PI4KA: variants seen among roughly 807,000 people sequenced by gnomAD.
The protein encoded by PI4KA is PI4-kinase alpha.
A neutral mutation model predicts 271.4 loss-of-function variants in PI4KA; 122 were observed. That is an observed-to-expected ratio of 0.45 (90% CI 0.39 to 0.52). The LOEUF (loss-of-function observed/expected upper bound fraction) is 0.52. Among genes scored for constraint, PI4KA ranks in the 20% least tolerant of loss-of-function variants. The pLI is 0.00. For synonymous variants in PI4KA, 1,041 were observed against 1,078.8 expected (o/e 0.96, Z 0.69); for missense variants, 1,969 against 2,769.1 (o/e 0.71, Z 6.48).
chr22:20,769,857 T>C (rs547481730), intron 19 of PI4KA, among the ~76,000 whole-genome samples: 2 of 152,288 alleles, frequency 1.3e-5, no homozygotes, highest in Admixed American at 6.5e-5. Context: ...TATGTGAGGC[T>C]TGTGATCTTC....
Position 20,753,160 on chromosome 22 carries a change from C to T in PI4KA, c.2812G>A (p.Ala938Thr), listed in dbSNP as rs967485535. The change falls in exon 24 of 55, where the codon GCA (alanine) becomes ACA (threonine). Residue 938 changes from alanine (A) to threonine (T), a missense_variant. By Grantham distance (58) the Ala-to-Thr change is moderately conservative (BLOSUM62 0). Transcript: ENST00000255882. ...DKSGMMQCVIAVADKVFDAFL... is the reference protein window; with the variant it reads ...DKSGMMQCVITVADKVFDAFL... ...GCATCGAATACTTTGTCCGCGACTGCAATCACACACTGCATCATCCCTGAA... is the reference window on the plus strand; with the variant it reads ...GCATCGAATACTTTGTCCGCGACTGTAATCACACACTGCATCATCCCTGAA... The T allele has an allele frequency of 8.1e-6, 13 of 1,613,086 alleles. No individual in the cohort carries two copies. Among genetic ancestry groups the T allele is most frequent in the Non-Finnish European group, 9.3e-6 (11 of 1,180,012 alleles).
intron 1 of PI4KA, among the ~76,000 whole-genome samples, chr22:20,853,502 T>G (rs184660950): frequency 1.2e-4 from 19 of 152,330 alleles, no homozygotes; most frequent in Non-Finnish European, 7.3e-5. Flanking sequence ...ATCCCAATGT[T>G]GAAAAGCCTC....
rs542247538 is a variant in PI4KA at position 20,858,577 on chromosome 22, A to C, written c.149T>G (p.Leu50Trp). The C allele has an allele frequency of 4.2e-5, 59 of 1,399,804 alleles. 1 individual carries two copies. The African/African-American group carries it at 7.7e-4, about 18-fold the overall frequency. The allele number at this position is 1,399,804 out of a possible 1,614,324, so 86.7% of individuals were successfully genotyped here. A position where few individuals can be genotyped will look rare whatever the true frequency, so the allele number is the denominator to read the frequency against. The change falls in exon 1 of 55, where the codon TTG becomes TGG. Residue 50 changes from leucine (L) to tryptophan (W), a missense_variant. Around this residue, in one of 13 missense-constraint regions of PI4KA, gnomAD observed 540 missense variants for 555.5 expected, o/e 0.97. Transcript: ENST00000255882. ...RSLAVQRPASLEKVQKLLCMC... is the reference protein window; with the variant it reads ...RSLAVQRPASWEKVQKLLCMC... ...CCAGCCCGCCGACGTTACCTTCTCC[A>C]AGGATGCTGGTCTCTGCACCGCCAG...
chr22:20,709,888 G>T lies in PI4KA; in HGVS notation c.6173+20C>A, dbSNP rs73877755. On this transcript the variant is annotated intron_variant, in intron 53 of 54. Coordinates refer to ENST00000255882, the MANE Select transcript of PI4KA (RefSeq NM_058004.4). ...GACAACTGTCCCCCAGATGGCCTGC[G>T]TGTCCACCAAGGAACCTACTTCAAG... The T allele has an allele frequency of 3.2e-4, 427 of 1,355,534 alleles. 5 individuals carry two copies. The highest frequency in any genetic ancestry group is 2.5e-3 in the South Asian group (214 of 85,934). The allele number at this position is 1,355,534 out of a possible 1,614,324, so 84.0% of individuals were successfully genotyped here. A position where few individuals can be genotyped will look rare whatever the true frequency, so the allele number is the denominator to read the frequency against.
chr22:20,715,604 A>G (rs1262128570), intron 45 of PI4KA, among the ~76,000 whole-genome samples: 1 of 149,794 alleles, frequency 6.7e-6, no homozygotes, highest in Non-Finnish European at 1.5e-5. Flanking sequence ...CCTCCCGAGT[A>G]GCTGGAATTA....
In PI4KA at chr22:20,744,667, G is replaced by T. The variant is rs1929857980; in HGVS notation, c.3417C>A (p.Phe1139Leu). Residue 1139 changes from phenylalanine to leucine, a missense_variant, in exon 30 of 55, where the codon TTC becomes TTA. Transcript: ENST00000255882. ...PACVKKDYSN[F>L]MASLNLRNRY... ...GGTTGCGCAGATTCAGGGATGCCATGAAGTTGGAGTAGTCTTTCTTCACAC... is the reference window on the plus strand; with the variant it reads ...GGTTGCGCAGATTCAGGGATGCCATTAAGTTGGAGTAGTCTTTCTTCACAC... 6.2e-7 allele frequency: 1 copy of T among 1,614,234 alleles called. No homozygotes were observed. The highest frequency in any genetic ancestry group is 8.5e-7 in the Non-Finnish European group (1 of 1,180,024).
In PI4KA at chr22:20,729,317, C is replaced by A; in HGVS notation, c.4678G>T (p.Ala1560Ser). The change falls in exon 39 of 55, where the codon GCC becomes TCC. Residue 1560 changes from alanine to serine, a missense_variant. Around this residue, in one of 13 missense-constraint regions of PI4KA, gnomAD observed 388 missense variants for 521.5 expected, o/e 0.74. Coordinates refer to ENST00000255882, the MANE Select transcript of PI4KA (RefSeq NM_058004.4). Reference sequence around the variant, plus strand: ...CTGTGGTGCCCGGGGGCCCACCTGGCAGGCAGCTGCACGGCTAGGTAGGGA... The same window carrying A: ...CTGTGGTGCCCGGGGGCCCACCTGGAAGGCAGCTGCACGGCTAGGTAGGGA... ...ISPYLAVQLP[A>S]RFKNTEAIGN... 6.2e-7 allele frequency: 1 copy of A among 1,612,210 alleles called. No individual in the cohort carries two copies. Among genetic ancestry groups the A allele is most frequent in the Non-Finnish European group, 8.5e-7 (1 of 1,179,030 alleles).
At chr22:20,812,058 A>G (rs1447138368) in intron 8 of PI4KA, among the ~76,000 whole-genome samples, 1 of 152,076 alleles carries the variant, frequency 6.6e-6, no homozygotes, top group Non-Finnish European at 1.5e-5. Context: ...AAGAAAGTTA[A>G]AAGTTAAAAT....
At chr22:20,713,419 G>C (rs759979282) in intron 47 of PI4KA, 29 bp from the exon 48 acceptor site, 70 of 1,529,118 alleles carry the variant, frequency 4.6e-5, no homozygotes, top group Non-Finnish European at 5.6e-5. Context: ...GCCGCTGTTA[G>C]CCTGTAGGCA....
In PI4KA at chr22:20,819,788, A is replaced by G; in HGVS notation, c.642T>C (p.Pro214=). ...GCTCTTCCAGGACACGGAGGGAATG[A>G]GGAGGGATTTTGGGAAAGAGCTTTG... is the stretch of plus-strand genomic sequence containing the variant. ...LLSKLFPKIP[P]HSLRVLEELE... Residue 214 remains proline, a synonymous_variant, in exon 6 of 55, where the codon CCT becomes CCC. Transcript: ENST00000255882. 1 of 1,614,180 alleles carries G rather than the reference A, an allele frequency of 6.2e-7. No homozygotes were observed. The highest frequency in any genetic ancestry group is 8.5e-7 in the Non-Finnish European group (1 of 1,180,012).
At chr22:20,817,691 G>T (rs1367977590) in intron 7 of PI4KA, among the ~76,000 whole-genome samples, 1 of 109,002 alleles carries the variant, frequency 9.2e-6, no homozygotes. Context: ...CCATGATCAT[G>T]CCGCTGCACT....
Position 20,765,106 on chromosome 22 carries a change from G to C in PI4KA, c.2568C>G (p.Val856=). 6.2e-7 allele frequency: 1 copy of C among 1,612,614 alleles called. No individual in the cohort carries two copies. Among genetic ancestry groups the C allele is most frequent in the South Asian group, 1.1e-5 (1 of 90,830 alleles). The change falls in exon 21 of 55, where the codon GTC becomes GTG. Residue 856 remains valine (V), a synonymous_variant. Coordinates refer to ENST00000255882, the MANE Select transcript of PI4KA (RefSeq NM_058004.4). ...ATGAGATGTGAATCCTTACGGGGGT[G>C]ACCGTGTCATTCTTCATGGCTGAGT... The part of the protein sequence containing the change: ...QYNSAMKNDT[V]TPAELSELRS...
At chr22:20,767,936 A>AATT (rs58742158) in intron 19 of PI4KA, among the ~76,000 whole-genome samples, 27,921 of 141,290 alleles carry the variant, frequency 0.2, 2,936 homozygotes, top group South Asian at 0.25. Flanking sequence ...CACCTGGCCT[A>AATT]ATTATTATTA....
chr22:20,787,284 G>C (rs777601746), intron 19 of PI4KA: 1 of 585,646 alleles, frequency 1.7e-6, no homozygotes, highest in Admixed American at 2.8e-5. Flanking sequence ...AGAAGTCACT[G>C]TAACTGTAGT....
intron 36 of PI4KA, among the ~76,000 whole-genome samples, chr22:20,731,120 A>C (rs1317928827): frequency 1.3e-5 from 2 of 152,156 alleles, no homozygotes; most frequent in East Asian, 3.9e-4. Flanking sequence ...TTGAGGCTGC[A>C]GTGAGCTATG....
At position 20,764,960 on chromosome 22, in the gene PI4KA, G is replaced by A; in HGVS notation, c.2575-10C>T. On this transcript the variant is annotated splice_polypyrimidine_tract_variant and intron_variant, in intron 21 of 54. Transcript: ENST00000255882. ...GCTCACTCAGCTCAGCCTGGAGGGA[G>A]AGAAACATCCGAGGGCTCATGGGGC... The A allele has an allele frequency of 6.2e-7, 1 of 1,600,732 alleles. No individual in the cohort carries two copies. The highest frequency in any genetic ancestry group is 8.5e-7 in the Non-Finnish European group (1 of 1,170,142).
chr22:20,719,023 C>T (rs115365825), intron 43 of PI4KA, among the ~76,000 whole-genome samples: 1,581 of 152,300 alleles, frequency 0.01, 26 homozygotes, highest in African/African-American at 0.036. Flanking sequence ...GGTGCCTAAG[C>T]GGAGCTCAAG....
In PI4KA at chr22:20,844,038, CTCA is replaced by C. The variant is rs1601609403; in HGVS notation, c.157-5310_157-5308del. ...TCCTTCCAAGATCCATCTCAACTGT[CTCA>C]AAACTCTCAAACATTTTCCAGACCC... is the stretch of plus-strand genomic sequence containing the variant. On this transcript the variant is annotated intron_variant, in intron 1 of 54. Coordinates refer to ENST00000255882, the MANE Select transcript of PI4KA (RefSeq NM_058004.4). Among the ~76,000 whole-genome samples, 8 of 152,334 alleles carry C rather than the reference CTCA, an allele frequency of 5.3e-5. No individual in the cohort carries two copies. The East Asian group carries it at 1.5e-3, about 29-fold the overall frequency.
At chr22:20,753,694 CTCTTT>C (rs1335233789) in intron 23 of PI4KA, among the ~76,000 whole-genome samples, 4 of 152,026 alleles carry the variant, frequency 2.6e-5, no homozygotes, top group Admixed American at 2.6e-4. Flanking sequence ...TTTTTTCTTT[CTCTTT>C]TTTTTGAGAT....
Sources: allele counts gnomAD v4.1 joint callset (sites outside exome capture counted in the v4.1 genomes callset), GRCh38; gene constraint gnomAD v4.1.1; regional missense constraint gnomAD v4.1.1; transcripts MANE v1.5; gene names NCBI Gene and HGNC (gene_info 2026-07-23, HGNC 2026-07-21).